The following PLCH1 variants were observed in gnomAD, a reference collection of about 807,000 sequenced individuals.
PLCH1 encodes the protein 1-phosphatidylinositol 4,5-bisphosphate phosphodiesterase eta-1.
In PLCH1, 60 loss-of-function variants were observed where a neutral mutation model predicts 126.7. That is an observed-to-expected ratio of 0.47 (90% confidence interval 0.38 to 0.59). PLCH1 has a LOEUF of 0.59. PLCH1 is among the 20% of genes least tolerant of loss of function. The pLI is 0.00. For synonymous variants in PLCH1, 719 were observed against 734.9 expected, an observed-to-expected ratio of 0.98 and a Z score of 0.35; for missense variants, 1,723 against 2,040.0, an observed-to-expected ratio of 0.84 and a Z score of 2.99.
chr3:155,565,180 GA>G, intron 7 of PLCH1, 62 bp from the exon 8 acceptor site: 1 of 1,164,622 alleles, frequency 8.6e-7, no homozygotes. Context: ...ATGGCTCTAA[GA>G]GGGGCAAAAG....
intron 8 of PLCH1, among the ~76,000 whole-genome samples, chr3:155,564,108 T>C (rs1285222917): frequency 6.6e-6 from 1 of 151,810 alleles, no homozygotes; most frequent in African/African-American, 2.4e-5. Context: ...ATACCATGCC[T>C]GGTTTATATT....
chr3:155,656,514 AT>A (rs1307143909), intron 2 of PLCH1, among the ~76,000 whole-genome samples: 1 of 152,202 alleles, frequency 6.6e-6, no homozygotes, highest in African/African-American at 2.4e-5. Context: ...CATTAATGTA[AT>A]TCACCATTTC....
At chr3:155,713,759 C>T (rs868382824) in intron 1 of PLCH1, among the ~76,000 whole-genome samples, 48 of 152,176 alleles carry the variant, frequency 3.2e-4, no homozygotes, top group African/African-American at 1.1e-3. Context: ...CCCTGTGCTT[C>T]AGCTGCCTCA....
At chr3:155,535,642 G>T (rs1224742778) in intron 10 of PLCH1, among the ~76,000 whole-genome samples, 2 of 152,202 alleles carry the variant, frequency 1.3e-5, no homozygotes, top group Admixed American at 6.5e-5. Context: ...CTCAAGAAGA[G>T]TCTGAGCTTA....
At chr3:155,478,391 G>C (rs183768117), downstream of PLCH1, among the ~76,000 whole-genome samples, 2 of 152,190 alleles carry the variant, frequency 1.3e-5, no homozygotes, top group African/African-American at 4.8e-5. Context: ...AAAATAAAGA[G>C]TGTAATTGGA....
Position 155,481,288 on chromosome 3 carries a change from T to G in PLCH1, c.4738A>C (p.Asn1580His), listed in dbSNP as rs1328313668. 3 of 1,614,104 alleles carry G rather than the reference T, an allele frequency of 1.9e-6. No homozygotes were observed. Among genetic ancestry groups the G allele is most frequent in the Non-Finnish European group, 2.5e-6 (3 of 1,180,040 alleles). ...LSSRSQSRVR[N>H]IASRAKEKQE... ...TTCTCCTTGGCACGACTAGCAATAT[T>G]GCGCACTCTGCTCTGACTTCTGGAT... The change falls in exon 23 of 23, where the codon AAT (asparagine) becomes CAT (histidine). Residue 1580 changes from asparagine to histidine, a missense_variant. By Grantham distance (68) the Asn-to-His change is moderately conservative. Around this residue, in one of 2 missense-constraint regions of PLCH1, gnomAD observed 947 missense variants for 977.1 expected, o/e 0.97. Coordinates refer to ENST00000460012, the MANE Select transcript of PLCH1 (RefSeq NM_014996.4). This position sits in a 1 kb window ranked among gnomAD's most constrained non-coding sequence, Gnocchi z 4.2.
chr3:155,518,093 C>T (rs1164444868), intron 11 of PLCH1, among the ~76,000 whole-genome samples: 1 of 152,156 alleles, frequency 6.6e-6, no homozygotes, highest in Non-Finnish European at 1.5e-5. Context: ...TGATTCACAT[C>T]CCACGTGGGG....
chr3:155,717,325 C>CCA (rs1224223937), intron 1 of PLCH1, among the ~76,000 whole-genome samples: 1 of 152,244 alleles, frequency 6.6e-6, no homozygotes, highest in African/African-American at 2.4e-5. Flanking sequence ...GGCCCCCTTC[C>CCA]CACAGTTCCA....
At chr3:155,550,039 G>T in intron 9 of PLCH1, 81 bp from the exon 10 acceptor site, 2 of 963,076 alleles carry the variant, frequency 2.1e-6, no homozygotes, top group Non-Finnish European at 3.1e-6. Flanking sequence ...AGTATTCACT[G>T]TGTTGTTACA....
intron 21 of PLCH1, among the ~76,000 whole-genome samples, chr3:155,462,474 C>A (rs903050705): frequency 6.6e-6 from 1 of 152,106 alleles, no homozygotes; most frequent in Non-Finnish European, 1.5e-5. Flanking sequence ...CTTGATTTGC[C>A]CATCTTTAAA....
intron 10 of PLCH1, among the ~76,000 whole-genome samples, chr3:155,536,029 G>A (rs1422299804): frequency 6.6e-6 from 1 of 152,154 alleles, no homozygotes; most frequent in Non-Finnish European, 1.5e-5. Flanking sequence ...GTACCAGGCT[G>A]GAGCCTGGTA....
intron 6 of PLCH1, among the ~76,000 whole-genome samples, chr3:155,568,550 A>G (rs1480492805): frequency 6.6e-6 from 1 of 152,216 alleles, no homozygotes; most frequent in Non-Finnish European, 1.5e-5. Context: ...CCCTTCAACT[A>G]TTAGACAAAT....
At chr3:155,486,031 A>G (rs1188777404) in intron 21 of PLCH1, 1 of 692,738 alleles carries the variant, frequency 1.4e-6, no homozygotes, top group Non-Finnish European at 2.4e-6. Flanking sequence ...TTAAAGCAAC[A>G]GATGCATGTT....
intron 10 of PLCH1, among the ~76,000 whole-genome samples, chr3:155,544,630 C>G (rs1022091620): frequency 1.8e-4 from 28 of 152,140 alleles, no homozygotes; most frequent in South Asian, 4.2e-4. Flanking sequence ...TGACCACATA[C>G]TTGGAAGTAA....
chr3:155,496,874 T>C (rs1717109814), intron 15 of PLCH1, among the ~76,000 whole-genome samples: 1 of 152,248 alleles, frequency 6.6e-6, no homozygotes, highest in Non-Finnish European at 1.5e-5. Context: ...TGGATTAAGC[T>C]ATTTTCACCC....
intron 10 of PLCH1, among the ~76,000 whole-genome samples, chr3:155,535,781 GGTGACCTTAGGGCAA>G (rs1723271870): frequency 6.6e-6 from 1 of 152,152 alleles, no homozygotes. Context: ...TATGTATCCA[GGTGACCTTAGGGCAA>G]GCTTGTATCA....
chr3:155,737,181 G>A (rs1368014166), intron 1 of PLCH1, among the ~76,000 whole-genome samples: 3 of 124,954 alleles, frequency 2.4e-5, no homozygotes, highest in Admixed American at 2.0e-4. Context: ...GCAGTGAGCC[G>A]AGATCACGCC....
chr3:155,541,047 A>C (rs1308483268), intron 10 of PLCH1, among the ~76,000 whole-genome samples: 1 of 152,234 alleles, frequency 6.6e-6, no homozygotes, highest in Non-Finnish European at 1.5e-5. Context: ...ACACCGTGGA[A>C]TACTACTCAG....
chr3:155,582,563 T>C (rs1730855365), intron 6 of PLCH1, among the ~76,000 whole-genome samples: 1 of 152,198 alleles, frequency 6.6e-6, no homozygotes, highest in African/African-American at 2.4e-5. Context: ...TTTCTACTGA[T>C]TATTGTACTA....
Sources: gnomAD v4.1 joint callset for allele counts (sites outside exome capture counted in the v4.1 genomes callset) on GRCh38, gnomAD v4.1.1 for gene constraint, gnomAD v4.1.1 regional missense constraint, Gnocchi (gnomAD v3.1) non-coding constraint, MANE v1.5 for transcripts, NCBI Gene and HGNC (gene_info 2026-07-23, HGNC 2026-07-21) for gene names.